EPHA5: variants seen among roughly 807,000 people sequenced by gnomAD.
EPHA5 encodes the protein ephrin type-A receptor 5.
A neutral mutation model predicts 105.0 loss-of-function variants in EPHA5; 60 were observed. That is an observed-to-expected ratio of 0.57 (90% CI 0.46 to 0.71). The LOEUF is 0.71. Ranked by LOEUF, EPHA5 falls within the 30% of genes least tolerant of loss-of-function variation. The probability of loss-of-function intolerance (pLI) is 0.00; values close to 1 mark genes in which losing one functional copy is unlikely to be tolerated. For synonymous variants in EPHA5, 513 were observed against 449.1 expected (o/e 1.14, Z -1.80); for missense variants, 1,218 against 1,274.7 (o/e 0.96, Z 0.68).
intron 8 of EPHA5, among the ~76,000 whole-genome samples, chr4:65,393,524 C>T (rs1720922539): frequency 6.6e-6 from 1 of 152,194 alleles, no homozygotes; most frequent in Admixed American, 6.5e-5. Flanking sequence ...GTGGCTGGAT[C>T]TTATTCTTCC....
intron 1 of EPHA5, among the ~76,000 whole-genome samples, chr4:65,656,855 A>T (rs1256853968): frequency 1.3e-5 from 2 of 151,162 alleles, no homozygotes; most frequent in African/African-American, 2.4e-5. Flanking sequence ...GGAAAATTTA[A>T]TTCAAAGAAC....
chr4:65,601,573 G>T (rs2149436283), intron 3 of EPHA5, 68 bp downstream of exon 3: 1 of 1,362,000 alleles, frequency 7.3e-7, no homozygotes, highest in South Asian at 1.4e-5. Context: ...CATAATCATT[G>T]GAGGAAATAC....
intron 2 of EPHA5, among the ~76,000 whole-genome samples, chr4:65,631,944 T>C (rs894809574): frequency 2.6e-5 from 4 of 151,556 alleles, no homozygotes; most frequent in African/African-American, 9.7e-5. Flanking sequence ...ATAATGCATG[T>C]ATATCTCAAA....
intron 1 of EPHA5, among the ~76,000 whole-genome samples, chr4:65,656,388 C>T (rs13147051): frequency 0.59 from 88,470 of 150,704 alleles, 26,114 homozygotes; most frequent in Middle Eastern, 0.68. Flanking sequence ...TTATGCTTAA[C>T]TTTTCTATAT....
intron 7 of EPHA5, 69 bp downstream of exon 7, chr4:65,414,215 A>G (rs1578059436): frequency 1.4e-6 from 2 of 1,387,990 alleles, no homozygotes; most frequent in African/African-American, 1.4e-5. Flanking sequence ...CAGGGAGGGT[A>G]TTGATCCACT....
chr4:65,370,919 G>A (rs768228408), intron 8 of EPHA5, among the ~76,000 whole-genome samples: 30 of 152,058 alleles, frequency 2.0e-4, no homozygotes, highest in Non-Finnish European at 4.3e-4. Flanking sequence ...GCAGAGACTG[G>A]TACTCAGGCA....
chr4:65,555,933 T>A (rs957284254), intron 3 of EPHA5, among the ~76,000 whole-genome samples: 1 of 152,146 alleles, frequency 6.6e-6, no homozygotes, highest in African/African-American at 2.4e-5. Context: ...ATGGAAAACA[T>A]ATAACAGCTT....
chr4:65,376,951 A>G (rs375282601), intron 8 of EPHA5: 2 of 1,526,918 alleles, frequency 1.3e-6, no homozygotes, highest in East Asian at 2.3e-5. Flanking sequence ...ACGGTAATAC[A>G]TATAGGTGGA....
chr4:65,574,598 CTG>C (rs1272679078), intron 3 of EPHA5, among the ~76,000 whole-genome samples: 1 of 89,688 alleles, frequency 1.1e-5, no homozygotes, highest in Non-Finnish European at 2.5e-5. Flanking sequence ...CTATATATTG[CTG>C]TATATATATA....
chr4:65,663,839 A>C (rs1749746228), intron 1 of EPHA5, among the ~76,000 whole-genome samples: 1 of 152,108 alleles, frequency 6.6e-6, no homozygotes, highest in African/African-American at 2.4e-5. Flanking sequence ...ATAAAGTCTT[A>C]ATATTCAAAA....
At chr4:65,360,358 T>C (rs935379696) in intron 11 of EPHA5, among the ~76,000 whole-genome samples, 2 of 151,644 alleles carry the variant, frequency 1.3e-5, no homozygotes, top group South Asian at 2.1e-4. Context: ...TTTGAATAAA[T>C]GAATGTTTCT....
Position 65,414,386 on chromosome 4 carries a change from C to A in EPHA5, c.1585G>T (p.Gly529Cys), listed in dbSNP as rs767723571. 6.2e-7 allele frequency: 1 copy of A among 1,613,928 alleles called. No homozygotes were observed. Among genetic ancestry groups the A allele is most frequent in the Non-Finnish European group, 8.5e-7 (1 of 1,179,898 alleles). Residue 529 changes from glycine to cysteine, a missense_variant, in exon 7 of 17, where the codon GGC becomes TGC. Physicochemically the swap from Gly to Cys is radical, Grantham distance 159. Transcript: ENST00000613740. ...ACATAAACTGAAGCTGGTTTCAAGC[C>A]CTCTGCAGTAATAGTTGTCTCTTTA... ...KSKETTITAE[G>C]LKPASVYVFQ...
chr4:65,451,280 T>C (rs1001185247), intron 5 of EPHA5, among the ~76,000 whole-genome samples: 2 of 152,202 alleles, frequency 1.3e-5, no homozygotes, highest in East Asian at 3.8e-4. Flanking sequence ...TCTTACAATA[T>C]GTTTTCAAGT....
chr4:65,498,257 G>A (rs1047469984), intron 3 of EPHA5, among the ~76,000 whole-genome samples: 2 of 151,824 alleles, frequency 1.3e-5, no homozygotes, highest in Non-Finnish European at 2.9e-5. Context: ...AGGGCACCAG[G>A]CCACAAAAAC....
At position 65,420,446 on chromosome 4, in the gene EPHA5, C is replaced by T. The variant is rs1365668708; in HGVS notation, c.1522G>A (p.Glu508Lys). Residue 508 changes from glutamate to lysine, a missense_variant, in exon 6 of 17, where the codon GAA (glutamate) becomes AAA (lysine). By Grantham distance (56) the Glu-to-Lys change is moderately conservative. This residue lies in a region of EPHA5 where 971 missense variants were observed against 1,013.5 expected (regional missense o/e 0.96). Coordinates refer to ENST00000613740, the MANE Select transcript of EPHA5 (RefSeq NM_001281766.3). ...IILEYEIKYF[E>K]KDQETSYTII... Reference sequence around the variant, plus strand: ...TTTTATTCTGTTAGTCTTACCTTTTCAAAATACTTGATTTCATACTCTAGG... The same window carrying T: ...TTTTATTCTGTTAGTCTTACCTTTTTAAAATACTTGATTTCATACTCTAGG... 2 of 1,582,672 alleles carry T rather than the reference C, an allele frequency of 1.3e-6. No individual in the cohort carries two copies. Among genetic ancestry groups the T allele is most frequent in the Non-Finnish European group, 1.7e-6 (2 of 1,166,746 alleles).
chr4:65,489,148 C>T (rs1000503819), intron 5 of EPHA5, among the ~76,000 whole-genome samples: 6 of 152,060 alleles, frequency 3.9e-5, no homozygotes, highest in Non-Finnish European at 1.5e-5. Flanking sequence ...CCACCCATCT[C>T]GGCCTCCCAA....
At chr4:65,326,487 T>A (rs1443885180) in intron 16 of EPHA5, among the ~76,000 whole-genome samples, 1 of 151,462 alleles carries the variant, frequency 6.6e-6, no homozygotes, top group African/African-American at 2.4e-5. Context: ...TGCCTGAGGC[T>A]ATGGTCACCA....
intron 3 of EPHA5, among the ~76,000 whole-genome samples, chr4:65,501,031 C>G (rs1732434477): frequency 6.6e-6 from 1 of 151,084 alleles, no homozygotes; most frequent in African/African-American, 2.4e-5. Flanking sequence ...AGGATATAAG[C>G]TAAGCTAAGT....
chr4:65,463,599 T>C (rs1471243461), intron 5 of EPHA5, among the ~76,000 whole-genome samples: 1 of 152,120 alleles, frequency 6.6e-6, no homozygotes, highest in Non-Finnish European at 1.5e-5. Flanking sequence ...TATTACAGTA[T>C]CGCACCTTGC....
Sources: gnomAD v4.1 joint callset for allele counts (sites outside exome capture counted in the v4.1 genomes callset) on GRCh38, gnomAD v4.1.1 for gene constraint, gnomAD v4.1.1 regional missense constraint, MANE v1.5 for transcripts, NCBI Gene and HGNC (gene_info 2026-07-23, HGNC 2026-07-21) for gene names.